Variants in MACF1 observed in about 807,000 individuals in gnomAD.
MACF1 encodes the protein microtubule-actin cross-linking factor 1.
In MACF1, 193 loss-of-function variants were observed where a neutral mutation model predicts 854.8. The ratio of observed to expected loss-of-function variants is 0.23; its 90% CI spans 0.20 to 0.25. The LOEUF (loss-of-function observed/expected upper bound fraction) is 0.25. Among genes scored for constraint, MACF1 ranks in the 10% least tolerant of loss-of-function variants. MACF1 has a pLI of 1.00. For synonymous variants in MACF1, 3,185 were observed against 3,226.7 expected (o/e 0.99, Z 0.44); for missense variants, 7,722 against 8,929.1 (o/e 0.86, Z 5.45).
intron 52 of MACF1, among the ~76,000 whole-genome samples, 180 bp from the exon 53 acceptor site, chr1:39,378,281 G>T (rs1480914672): frequency 1.3e-5 from 2 of 152,192 alleles, no homozygotes; most frequent in African/African-American, 2.4e-5. Context: ...AGAACCTTGA[G>T]TGACGTTTTG....
At chr1:39,370,703 C>T (rs937992271) in intron 51 of MACF1, among the ~76,000 whole-genome samples, 20 of 152,194 alleles carry the variant, frequency 1.3e-4, no homozygotes, top group African/African-American at 4.8e-4. Context: ...TCATCCTGAG[C>T]AGATGAAAGA....
chr1:39,335,362 A>T lies in MACF1; in HGVS notation c.8774A>T (p.Gln2925Leu). The T allele has an allele frequency of 3.7e-6, 6 of 1,613,684 alleles. No individual in the cohort carries two copies. Among genetic ancestry groups the T allele is most frequent in the African/African-American group, 1.3e-5 (1 of 75,054 alleles). The change falls in exon 37 of 101, where the codon CAG (glutamine) becomes CTG (leucine). Residue 2925 changes from glutamine (Q) to leucine (L), a missense_variant. Gln to Leu is a moderately radical substitution (Grantham distance 113). Transcript: ENST00000564288. ...ATAGAAATTATTTCTCATATGAAGCAGTCTACCTCATGTCTAGATTCTGAA... is the reference window on the plus strand; with the variant it reads ...ATAGAAATTATTTCTCATATGAAGCTGTCTACCTCATGTCTAGATTCTGAA... ...TKIEIISHMK[Q>L]STSCLDSEEI...
chr1:39,472,462 G>C (rs1166228729), intron 97 of MACF1, among the ~76,000 whole-genome samples: 1 of 152,144 alleles, frequency 6.6e-6, no homozygotes, highest in African/African-American at 2.4e-5. Context: ...CAAAGTAAAA[G>C]TATTAATTGC....
intron 71 of MACF1, among the ~76,000 whole-genome samples, chr1:39,438,332 C>A (rs1279922077): frequency 6.6e-6 from 1 of 152,198 alleles, no homozygotes; most frequent in African/African-American, 2.4e-5. Flanking sequence ...AAGTTTAACA[C>A]AGAACACTGG....
In MACF1 at chr1:39,411,381, G is replaced by A. The variant is rs150760218; in HGVS notation, c.15817-10993G>A. The stretch of plus-strand genomic sequence containing the variant: ...GAGAACAAGCAAACACAGCAGTGGT[G>A]GAGGATGGATCCGATTGCTTAGCTG... On this transcript the variant is annotated intron_variant, in intron 58 of 100. Transcript: ENST00000564288. 1.7e-3 allele frequency: 2,811 copies of A among 1,614,018 alleles called. 4 individuals carry two copies. Among genetic ancestry groups the A allele is most frequent in the Middle Eastern group, 3.8e-3 (23 of 6,062 alleles).
chr1:39,438,687 A>G (rs567016991), intron 71 of MACF1, among the ~76,000 whole-genome samples: 53 of 152,262 alleles, frequency 3.5e-4, no homozygotes, highest in African/African-American at 1.2e-3. Flanking sequence ...CTGAGGCAGG[A>G]GAATCGCTTG....
intron 80 of MACF1, among the ~76,000 whole-genome samples, chr1:39,445,760 A>T (rs1644216675): frequency 6.6e-6 from 1 of 152,054 alleles, no homozygotes; most frequent in African/African-American, 2.4e-5. Context: ...GGAGTTTGAG[A>T]CCAGCCTGGG....
chr1:39,268,759 C>T, intron 6 of MACF1: 1 of 1,289,454 alleles, frequency 7.8e-7, no homozygotes, highest in Non-Finnish European at 1.0e-6. Context: ...CCTGAGAAGG[C>T]TCCCATATCT....
intron 97 of MACF1, among the ~76,000 whole-genome samples, chr1:39,477,068 T>TAC (rs1424581152): frequency 1.0e-4 from 2 of 19,504 alleles, no homozygotes; most frequent in African/African-American, 4.6e-4. Context: ...TATATATATA[T>TAC]ATATATATAT....
In MACF1 at chr1:39,454,989, A is replaced by G. The variant is rs775072196; in HGVS notation, c.20967A>G (p.Glu6989=). The G allele has an allele frequency of 3.1e-6, 5 of 1,614,140 alleles. No homozygotes were observed. Among genetic ancestry groups the G allele is most frequent in the Non-Finnish European group, 4.2e-6 (5 of 1,180,014 alleles). ...TGGTGGCTAATGCTGAGCTCCTGGA[A>G]GAACTTCTGGCATGGATCCAGTGGG... ...SELVANAELL[E]ELLAWIQWAE... The change falls in exon 89 of 101, where the codon GAA becomes GAG. Residue 6989 remains glutamate (E), a synonymous_variant. Transcript: ENST00000564288.
intron 68 of MACF1, among the ~76,000 whole-genome samples, chr1:39,433,600 A>G (rs1050612229): frequency 1.3e-5 from 2 of 152,216 alleles, no homozygotes; most frequent in Non-Finnish European, 2.9e-5. Flanking sequence ...CATAAAGGAT[A>G]TGTTTAAGCA....
chr1:39,460,776 G>C lies in MACF1; in HGVS notation c.21505G>C (p.Asp7169His). 1 of 1,614,140 alleles carries C rather than the reference G, an allele frequency of 6.2e-7. No homozygotes were observed. Among genetic ancestry groups the C allele is most frequent in the Non-Finnish European group, 8.5e-7 (1 of 1,180,002 alleles). ...GAAGATAACACGTCAGGAGTTTATC[G>C]ATGGCATTTTAGCATCCAGTGAGTC... ...DGKITRQEFI[D>H]GILASKFPTT... is the part of the protein sequence containing the mutation. Residue 7169 changes from aspartate (D) to histidine (H), a missense_variant, in exon 92 of 101, where the codon GAT (aspartate) becomes CAT (histidine). Asp to His is a moderately conservative substitution (Grantham distance 81). Transcript: ENST00000564288. This position sits in a 1 kb window ranked among gnomAD's most constrained non-coding sequence, Gnocchi z 4.1.
In MACF1 at chr1:39,283,593, G is replaced by C. The variant is rs1645592375; in HGVS notation, c.915+78G>C. On this transcript the variant is annotated intron_variant, in intron 9 of 100. Coordinates refer to ENST00000564288, the MANE Select transcript of MACF1 (RefSeq NM_001394062.1). This position sits in a 1 kb window ranked among gnomAD's most constrained non-coding sequence, Gnocchi z 4.5. ...ATGCATTGGTTAGACACTTTCTTAAGCACTTATGGTATACTCATGGTATCA... is the reference window on the plus strand; with the variant it reads ...ATGCATTGGTTAGACACTTTCTTAACCACTTATGGTATACTCATGGTATCA... The C allele has an allele frequency of 1.0e-6, 1 of 992,122 alleles. No individual in the cohort carries two copies. Among genetic ancestry groups the C allele is most frequent in the South Asian group, 1.3e-5 (1 of 74,678 alleles). The allele number at this position is 992,122 out of a possible 1,614,324, so 61.5% of individuals were successfully genotyped here.
chr1:39,263,706 A>ATGTCTT (rs1158302575), intron 6 of MACF1, among the ~76,000 whole-genome samples: 2 of 149,012 alleles, frequency 1.3e-5, no homozygotes, highest in African/African-American at 4.9e-5. Flanking sequence ...TGTTGCTTGT[A>ATGTCTT]TGTCTTTATA....
Position 39,084,276 on chromosome 1 carries a change from T to C in MACF1, c.58T>C (p.Cys20Arg). The stretch of plus-strand genomic sequence containing the variant: ...GCGGTCATGTCGGAGTGAGCGGTCT[T>C]GTCGGAGTGAGCGATCTTACAGGAG... Residue 20 changes from cysteine to arginine, a missense_variant, in exon 2 of 94, where the codon TGT becomes CGT. By Grantham distance (180) the Cys-to-Arg change is radical. Coordinates refer to the MACF1 transcript ENST00000361689. The surrounding 1 kb of genome is among the most constrained non-coding windows in gnomAD (Gnocchi z 5.2). The C allele has an allele frequency of 6.2e-7, 1 of 1,613,868 alleles. No individual in the cohort carries two copies. Among genetic ancestry groups the C allele is most frequent in the Non-Finnish European group, 8.5e-7 (1 of 1,179,982 alleles).
chr1:39,096,534 A>G (rs1015968347), intron 2 of MACF1, among the ~76,000 whole-genome samples: 4 of 151,070 alleles, frequency 2.6e-5, no homozygotes, highest in Non-Finnish European at 5.9e-5. Context: ...GGTCGTAGTG[A>G]GTCGAGACTG....
intron 31 of MACF1, among the ~76,000 whole-genome samples, chr1:39,322,403 A>G (rs1447604715): frequency 2.0e-5 from 3 of 152,232 alleles, no homozygotes; most frequent in Non-Finnish European, 2.9e-5. Context: ...TTTCATCTAT[A>G]TATTGCCTAT....
intron 74 of MACF1, 89 bp downstream of exon 74, chr1:39,441,414 C>A: frequency 1.9e-6 from 2 of 1,027,310 alleles, no homozygotes; most frequent in Non-Finnish European, 3.0e-6. Context: ...AAAAGTGGAT[C>A]ACCTTCACAG....
chr1:39,124,677 AT>A (rs1167449035), intron 2 of MACF1, among the ~76,000 whole-genome samples: 4 of 152,354 alleles, frequency 2.6e-5, no homozygotes, highest in Admixed American at 1.3e-4. Flanking sequence ...TTTGCCTAGC[AT>A]TATTTAATGG....
Sources: gnomAD v4.1 joint callset for allele counts (sites outside exome capture counted in the v4.1 genomes callset) on GRCh38, gnomAD v4.1.1 for gene constraint, Gnocchi (gnomAD v3.1) non-coding constraint, MANE v1.5 for transcripts, NCBI Gene and HGNC (gene_info 2026-07-23, HGNC 2026-07-21) for gene names.